Variants in CRYL1 observed in about 807,000 individuals in gnomAD.
CRYL1 encodes the protein lambda-crystallin homolog.
In CRYL1, 29 loss-of-function variants were observed where a neutral mutation model predicts 36.6. The observed-to-expected ratio is 0.79, with a 90% CI of 0.59 to 1.08. CRYL1 has a LOEUF of 1.08. Ranked by LOEUF, CRYL1 falls within the 50% of genes least tolerant of loss-of-function variation. The probability of loss-of-function intolerance (pLI) is 0.00; values close to 1 mark genes in which losing one functional copy is unlikely to be tolerated. For missense variants in CRYL1, 411 were observed against 407.9 expected (o/e 1.01, Z -0.06); for synonymous variants, 152 against 151.5 (o/e 1.00, Z -0.02).
At chr13:20,484,662 G>T (rs899083135) in intron 3 of CRYL1, among the ~76,000 whole-genome samples, 5 of 152,040 alleles carry the variant, frequency 3.3e-5, no homozygotes, top group Non-Finnish European at 5.9e-5. Flanking sequence ...CGAGCACATC[G>T]TACAGCAGGA....
chr13:20,420,701 T>TTTTTTTTTTTTTTTTTTTTTTGTGGGTG, intron 5 of CRYL1, among the ~76,000 whole-genome samples: 1 of 21,874 alleles, frequency 4.6e-5, no homozygotes, highest in South Asian at 3.3e-3. Context: ...AAAATAGAGG[T>TTTTTTTTTTTTTTTTTTTTTTGTGGGTG]TGTGTGTGTG....
chr13:20,506,364 CT>C (rs1207814234), intron 2 of CRYL1, among the ~76,000 whole-genome samples: 4 of 152,142 alleles, frequency 2.6e-5, no homozygotes, highest in Non-Finnish European at 5.9e-5. Context: ...AGTACATTTG[CT>C]TCTTCTAGAA....
chr13:20,480,249 T>G (rs982524237), intron 3 of CRYL1, among the ~76,000 whole-genome samples: 2 of 151,832 alleles, frequency 1.3e-5, no homozygotes, highest in African/African-American at 4.8e-5. Flanking sequence ...GGTGTAGCAG[T>G]GGGCACCTGT....
At chr13:20,523,129 C>T (rs2034128013) in intron 1 of CRYL1, among the ~76,000 whole-genome samples, 1 of 152,042 alleles carries the variant, frequency 6.6e-6, no homozygotes, top group Non-Finnish European at 1.5e-5. Context: ...GTTGGCCAGA[C>T]TGGTCTCGAA....
intron 6 of CRYL1, among the ~76,000 whole-genome samples, chr13:20,405,240 C>T (rs896606976): frequency 2.0e-5 from 3 of 151,858 alleles, no homozygotes; most frequent in South Asian, 2.1e-4. Flanking sequence ...CACTGTACTC[C>T]GGCCTGGGCA....
intron 5 of CRYL1, among the ~76,000 whole-genome samples, chr13:20,423,484 G>A (rs1016986372): frequency 6.6e-6 from 1 of 152,180 alleles, no homozygotes; most frequent in Non-Finnish European, 1.5e-5. Flanking sequence ...GATGCTGAAT[G>A]TTGTCGTGTG....
chr13:20,407,104 G>A (rs1389637640), intron 6 of CRYL1, among the ~76,000 whole-genome samples: 2 of 148,106 alleles, frequency 1.4e-5, no homozygotes, highest in East Asian at 4.1e-4. Context: ...AGAAATAAAT[G>A]TCCCTTTAAA....
Position 20,445,394 on chromosome 13 carries a change from C to T in CRYL1, c.277-5640G>A, listed in dbSNP as rs550359360. 4.6e-5 allele frequency among the ~76,000 whole-genome samples: 7 copies of T among 152,266 alleles called. 2 individuals carry two copies. In the South Asian group the frequency reaches 1.5e-3, roughly 32 times the overall value. ...CAGTTGGAACCCTCAAGGGCTATAT[C>T]CCTTGAGCATCCCTTATACCAGGAA... On this transcript the variant is annotated intron_variant, in intron 3 of 7. Transcript: ENST00000298248.
chr13:20,431,697 T>G, intron 5 of CRYL1: 1 of 1,124,476 alleles, frequency 8.9e-7, no homozygotes, highest in South Asian at 2.2e-5. Flanking sequence ...ACAATTAGGT[T>G]CCTTCAGGAG....
intron 1 of CRYL1, among the ~76,000 whole-genome samples, chr13:20,521,157 GGAAC>G (rs1565993124): frequency 5.1e-5 from 7 of 136,958 alleles, no homozygotes; most frequent in Non-Finnish European, 9.4e-5. Flanking sequence ...AAGGAAGGAA[GGAAC>G]GAACGAACGA....
chr13:20,405,138 G>A (rs889684185), intron 6 of CRYL1, among the ~76,000 whole-genome samples: 1 of 152,172 alleles, frequency 6.6e-6, no homozygotes, highest in Non-Finnish European at 1.5e-5. Context: ...AGGTGGCGTG[G>A]CAGGTGCCTG....
In CRYL1 at chr13:20,430,944, C is replaced by T. The variant is rs2032044701; in HGVS notation, c.633+1158G>A. The T allele has an allele frequency of 1.3e-5, 13 of 985,186 alleles. 1 individual carries two copies. Among genetic ancestry groups the T allele is most frequent in the South Asian group, 4.7e-5 (1 of 21,286 alleles). The allele number at this position is 985,186 out of a possible 1,614,324, so 61.0% of individuals were successfully genotyped here. A position where few individuals can be genotyped will look rare whatever the true frequency, so the allele number is the denominator to read the frequency against. Reference sequence around the variant, plus strand: ...CAAGAAATTACTAAGAAATTCAAACCGCCGCCCTAACAGTGGAAACCCGAG... The same window carrying T: ...CAAGAAATTACTAAGAAATTCAAACTGCCGCCCTAACAGTGGAAACCCGAG... On this transcript the variant is annotated intron_variant, in intron 5 of 7. Coordinates refer to ENST00000298248, the MANE Select transcript of CRYL1 (RefSeq NM_015974.3).
chr13:20,439,859 A>G (rs2032317383), intron 3 of CRYL1, 105 bp from the exon 4 acceptor site: 1 of 1,136,764 alleles, frequency 8.8e-7, no homozygotes, highest in South Asian at 1.5e-5. Context: ...TTTGAAAATG[A>G]TGAGGTTCAA....
At chr13:20,410,445 A>G (rs1260287493) in intron 6 of CRYL1, among the ~76,000 whole-genome samples, 20 of 150,666 alleles carry the variant, frequency 1.3e-4, no homozygotes, top group Admixed American at 1.2e-3. Flanking sequence ...ATGACGAGTT[A>G]GTGGGTGCAG....
chr13:20,510,203 T>C (rs1462376971), intron 2 of CRYL1, among the ~76,000 whole-genome samples: 3 of 152,216 alleles, frequency 2.0e-5, no homozygotes, highest in Non-Finnish European at 4.4e-5. Context: ...TACAAAAACC[T>C]GCACATGGAA....
At chr13:20,479,684 A>G (rs1053763239) in intron 3 of CRYL1, among the ~76,000 whole-genome samples, 2 of 152,244 alleles carry the variant, frequency 1.3e-5, no homozygotes, top group Non-Finnish European at 2.9e-5. Flanking sequence ...AGGTAAATAT[A>G]TTAAAATGTC....
chr13:20,506,518 C>G (rs148227472), intron 2 of CRYL1, among the ~76,000 whole-genome samples: 8 of 152,048 alleles, frequency 5.3e-5, no homozygotes, highest in South Asian at 2.1e-4. Context: ...AACAGGAAAG[C>G]CTTTAACCTG....
intron 4 of CRYL1, 59 bp downstream of exon 4, chr13:20,439,534 A>G: frequency 1.5e-6 from 2 of 1,349,128 alleles, no homozygotes; most frequent in Non-Finnish European, 9.9e-7. Flanking sequence ...AAAAAAAGAA[A>G]AAAAAAAAAC....
In CRYL1 at chr13:20,473,719, C is replaced by T. The variant is rs9506494; in HGVS notation, c.276+15651G>A. 0.57 allele frequency among the ~76,000 whole-genome samples: 87,287 copies of T among 152,138 alleles called. 26,446 individuals are homozygous for T. The highest frequency in any genetic ancestry group is 0.74 in the South Asian group (3,577 of 4,824). Reference sequence around the variant, plus strand: ...CTTGCAACACAGGTGTAAAAGCTGACGTTACATCCCACCCAGAGCAAAACA... The same window carrying T: ...CTTGCAACACAGGTGTAAAAGCTGATGTTACATCCCACCCAGAGCAAAACA... On this transcript the variant is annotated intron_variant, in intron 3 of 7. Transcript: ENST00000298248.
Sources: allele counts gnomAD v4.1 joint callset (sites outside exome capture counted in the v4.1 genomes callset), GRCh38; gene constraint gnomAD v4.1.1; transcripts MANE v1.5; gene names NCBI Gene and HGNC (gene_info 2026-07-23, HGNC 2026-07-21).